Variants in STXBP5L observed in about 807,000 individuals in gnomAD.
STXBP5L encodes syntaxin binding protein 5L, also known as syntaxin-binding protein 5-like.
In STXBP5L, 65 loss-of-function variants were observed where a neutral mutation model predicts 144.5. The ratio of observed to expected loss-of-function variants is 0.45; its 90% CI spans 0.37 to 0.55. The LOEUF is 0.55. Ranked by LOEUF, STXBP5L falls within the 20% of genes least tolerant of loss-of-function variation. STXBP5L has a pLI of 0.00. For missense variants in STXBP5L, 1,298 were observed against 1,405.5 expected, an observed-to-expected ratio of 0.92 and a Z score of 1.22; for synonymous variants, 505 against 469.6, an observed-to-expected ratio of 1.08 and a Z score of -0.97.
intron 22 of STXBP5L, among the ~76,000 whole-genome samples, chr3:121,385,463 C>T (rs1169425626): frequency 6.6e-6 from 1 of 152,194 alleles, no homozygotes; most frequent in Non-Finnish European, 1.5e-5. Context: ...TCCTCATGAT[C>T]TAATACGTCC....
At chr3:121,346,871 G>A (rs142447887) in intron 20 of STXBP5L, among the ~76,000 whole-genome samples, 2 of 152,026 alleles carry the variant, frequency 1.3e-5, no homozygotes, top group East Asian at 3.9e-4. Context: ...CAGATGAGTA[G>A]GTTGCAAAAA....
At chr3:121,199,389 G>T (rs2048049437) in intron 9 of STXBP5L, among the ~76,000 whole-genome samples, 1 of 152,118 alleles carries the variant, frequency 6.6e-6, no homozygotes, top group Non-Finnish European at 1.5e-5. Flanking sequence ...GGGCTGAGAT[G>T]ATGGGGTTTT....
chr3:121,217,423 TG>T (rs2048816555), intron 10 of STXBP5L, among the ~76,000 whole-genome samples: 1 of 152,132 alleles, frequency 6.6e-6, no homozygotes, highest in African/African-American at 2.4e-5. Context: ...TGGCTTCCCT[TG>T]GCTAGGGGAG....
intron 19 of STXBP5L, among the ~76,000 whole-genome samples, chr3:121,303,583 G>A (rs2052018773): frequency 6.6e-6 from 1 of 152,174 alleles, no homozygotes; most frequent in Non-Finnish European, 1.5e-5. Flanking sequence ...GCACACGTAT[G>A]TTTACTGCAG....
In STXBP5L at chr3:121,419,320, T is replaced by C. The variant is rs1211830420; in HGVS notation, c.*223T>C. 4.2e-5 allele frequency: 19 copies of C among 450,838 alleles called. No individual in the cohort carries two copies. In the East Asian group the frequency reaches 6.5e-4, roughly 16 times the overall value. 27.9% of individuals were successfully genotyped at this position (450,838 alleles called of 1,614,324 possible). A position where few individuals can be genotyped will look rare whatever the true frequency, so the allele number is the denominator to read the frequency against. On this transcript the variant is annotated 3_prime_UTR_variant, in exon 27 of 27. Transcript: ENST00000471454. ...ATACGGCTGAATTTGCCTTTTCCCA[T>C]GTGGAATGGAGCTATCATCTTGGCA...
At chr3:121,280,171 A>G (rs1441469419) in intron 19 of STXBP5L, among the ~76,000 whole-genome samples, 1 of 151,874 alleles carries the variant, frequency 6.6e-6, no homozygotes, top group Non-Finnish European at 1.5e-5. Flanking sequence ...TCAATTTGCT[A>G]TTGAAGTTAG....
At chr3:121,280,811 T>C (rs1349215896) in intron 19 of STXBP5L, among the ~76,000 whole-genome samples, 2 of 151,610 alleles carry the variant, frequency 1.3e-5, no homozygotes, top group East Asian at 3.9e-4. Flanking sequence ...TATGGTGGCT[T>C]ATGCTTGTAA....
intron 5 of STXBP5L, among the ~76,000 whole-genome samples, chr3:121,087,256 C>G (rs965473871): frequency 2.6e-5 from 4 of 151,928 alleles, no homozygotes; most frequent in African/African-American, 9.7e-5. Flanking sequence ...TTTAGTTGTT[C>G]TAATAATTGC....
At chr3:121,394,765 T>C (rs548932667) in intron 22 of STXBP5L, among the ~76,000 whole-genome samples, 2 of 151,992 alleles carry the variant, frequency 1.3e-5, no homozygotes, top group African/African-American at 4.8e-5. Context: ...CCACCACGCC[T>C]GGCTAATTTT....
At chr3:121,322,906 T>C (rs2044023636) in intron 20 of STXBP5L, among the ~76,000 whole-genome samples, 1 of 152,220 alleles carries the variant, frequency 6.6e-6, no homozygotes, top group Non-Finnish European at 1.5e-5. Flanking sequence ...TTTAAGATGG[T>C]ATCTCAGTGT....
chr3:121,032,746 CA>C (rs1314915512), intron 3 of STXBP5L, among the ~76,000 whole-genome samples: 2 of 80,324 alleles, frequency 2.5e-5, no homozygotes, highest in Non-Finnish European at 5.0e-5. Context: ...ACAACCCCAT[CA>C]AAAAGTGGGC....
At chr3:121,206,736 C>T (rs2048350021) in intron 10 of STXBP5L, among the ~76,000 whole-genome samples, 3 of 152,114 alleles carry the variant, frequency 2.0e-5, no homozygotes, top group Admixed American at 1.3e-4. Flanking sequence ...ATCCTTTGAG[C>T]CCAGGAGGTG....
chr3:121,248,692 T>G (rs1353588931), intron 14 of STXBP5L, among the ~76,000 whole-genome samples: 1 of 152,206 alleles, frequency 6.6e-6, no homozygotes, highest in Non-Finnish European at 1.5e-5. Context: ...CAATCATTTT[T>G]GGGGGCTTGG....
At chr3:121,240,674 T>A (rs899592971) in intron 14 of STXBP5L, among the ~76,000 whole-genome samples, 167 bp downstream of exon 14, 1 of 152,126 alleles carries the variant, frequency 6.6e-6, no homozygotes, top group Admixed American at 6.5e-5. Flanking sequence ...GAGGATATAA[T>A]CAAACCATTG....
chr3:121,403,552 G>C (rs963482748), intron 22 of STXBP5L, among the ~76,000 whole-genome samples: 2 of 151,966 alleles, frequency 1.3e-5, no homozygotes, highest in African/African-American at 4.8e-5. Context: ...AGAAACAATG[G>C]GTTCTAGGCT....
intron 3 of STXBP5L, among the ~76,000 whole-genome samples, chr3:121,019,691 G>C (rs1185913219): frequency 2.6e-5 from 4 of 152,128 alleles, no homozygotes; most frequent in Non-Finnish European, 5.9e-5. Flanking sequence ...GCACAGTTTG[G>C]CTCTCAGGAA....
rs114168255 is a variant in STXBP5L at position 121,304,441 on chromosome 3, C to T, written c.2111-14034C>T. Reference sequence around the variant, plus strand: ...AATACAAATTATTTTCATGTAAACACGTAACATTCACAAGGATAGACTGGG... The same window carrying T: ...AATACAAATTATTTTCATGTAAACATGTAACATTCACAAGGATAGACTGGG... On this transcript the variant is annotated intron_variant, in intron 19 of 26. Coordinates refer to ENST00000471454, the MANE Select transcript of STXBP5L (RefSeq NM_001308330.2). Among the ~76,000 whole-genome samples the T allele has an allele frequency of 4.6e-3, 704 of 152,112 alleles. 6 individuals carry two copies. Among genetic ancestry groups the T allele is most frequent in the African/African-American group, 0.016 (664 of 41,526 alleles).
chr3:120,986,667 T>G (rs1305097707), intron 3 of STXBP5L, among the ~76,000 whole-genome samples: 1 of 151,942 alleles, frequency 6.6e-6, no homozygotes, highest in East Asian at 1.9e-4. Flanking sequence ...ACACCTGTTC[T>G]GATAACATGT....
intron 5 of STXBP5L, among the ~76,000 whole-genome samples, chr3:121,049,484 C>T (rs796833200): frequency 5.9e-5 from 9 of 152,212 alleles, no homozygotes; most frequent in African/African-American, 2.2e-4. Flanking sequence ...ACGATTGCCC[C>T]TAATCACTGA....
Sources: allele counts gnomAD v4.1 joint callset (sites outside exome capture counted in the v4.1 genomes callset), GRCh38; gene constraint gnomAD v4.1.1; transcripts MANE v1.5; gene names NCBI Gene and HGNC (gene_info 2026-07-23, HGNC 2026-07-21).